Variants in EHMT1 observed in about 807,000 individuals in gnomAD.
The protein encoded by EHMT1 is histone-lysine N-methyltransferase EHMT1.
In EHMT1, 15 loss-of-function variants were observed where a neutral mutation model predicts 147.2. The observed-to-expected ratio is 0.10, with a 90% CI of 0.07 to 0.16. The LOEUF is 0.16. Among genes scored for constraint, EHMT1 ranks in the 10% least tolerant of loss-of-function variants. The pLI is 1.00. For missense variants in EHMT1, 1,587 were observed against 1,772.4 expected (o/e 0.90, Z 1.88); for synonymous variants, 795 against 709.6 (o/e 1.12, Z -1.91).
At position 137,668,325 on chromosome 9, in the gene EHMT1, C is replaced by G. The variant is rs546364621; in HGVS notation, c.22-42642C>G. 5.9e-5 allele frequency among the ~76,000 whole-genome samples: 9 copies of G among 151,824 alleles called. 1 individual carries two copies. In the South Asian group the frequency reaches 1.9e-3, roughly 32 times the overall value. On this transcript the variant is annotated intron_variant, in intron 1 of 26. Coordinates refer to ENST00000460843, the MANE Select transcript of EHMT1 (RefSeq NM_024757.5). ...CCTTCCTCTCCCTTCTATTCACCCA[C>G]CCACCACTCACCCACCCACCACCTG... is the stretch of plus-strand genomic sequence containing the variant.
At chr9:137,752,252 A>G in intron 6 of EHMT1, 79 bp from the exon 7 acceptor site, 1 of 1,526,732 alleles carries the variant, frequency 6.5e-7, no homozygotes, top group South Asian at 1.2e-5. Flanking sequence ...TTTGCTTTGG[A>G]TCCGTCATCT....
chr9:137,743,545 A>G lies in EHMT1; in HGVS notation c.981+17A>G. On this transcript the variant is annotated intron_variant, in intron 5 of 26. Coordinates refer to ENST00000460843, the MANE Select transcript of EHMT1 (RefSeq NM_024757.5). ...GGTTCCAAGGTAAGAGACGCATTTG[A>G]GTGAGTTGCCACGTGTGCGTGGAAA... is the stretch of plus-strand genomic sequence containing the variant. The G allele has an allele frequency of 6.2e-7, 1 of 1,613,902 alleles. No individual in the cohort carries two copies. Among genetic ancestry groups the G allele is most frequent in the Non-Finnish European group, 8.5e-7 (1 of 1,179,968 alleles).
At chr9:137,715,875 C>T in intron 2 of EHMT1, 2 of 976,050 alleles carry the variant, frequency 2.0e-6, no homozygotes, top group Non-Finnish European at 2.4e-6. Flanking sequence ...AGTGATTCCC[C>T]AAACTTAACC....
At chr9:137,669,793 T>A (rs182793094) in intron 1 of EHMT1, among the ~76,000 whole-genome samples, 1 of 152,322 alleles carries the variant, frequency 6.6e-6, no homozygotes, top group Non-Finnish European at 1.5e-5. Flanking sequence ...CCTTAAGTGA[T>A]CCTCCCATCT....
intron 1 of EHMT1, among the ~76,000 whole-genome samples, chr9:137,645,594 C>T (rs540428008): frequency 1.3e-5 from 2 of 152,248 alleles, no homozygotes; most frequent in East Asian, 1.9e-4. Context: ...GAAGAGGGGC[C>T]TCCTGTAGGT....
chr9:137,706,254 C>T (rs1487185027), intron 1 of EHMT1, among the ~76,000 whole-genome samples: 1 of 152,220 alleles, frequency 6.6e-6, no homozygotes, highest in African/African-American at 2.4e-5. Context: ...TTTGGCTAGG[C>T]TTCCTGGACT....
At chr9:137,627,677 T>A (rs1843356119) in intron 1 of EHMT1, among the ~76,000 whole-genome samples, 1 of 152,040 alleles carries the variant, frequency 6.6e-6, no homozygotes, top group African/African-American at 2.4e-5. Context: ...ATCCCTCAAT[T>A]TCTTGCCTTG....
intron 5 of EHMT1, among the ~76,000 whole-genome samples, 164 bp from the exon 6 acceptor site, chr9:137,743,738 T>C (rs1948309248): frequency 6.6e-6 from 1 of 152,216 alleles, no homozygotes. Flanking sequence ...ACAGCCCACC[T>C]GTCTGCCGGG....
rs553311762 is a variant in EHMT1, at chr9:137,736,993, A to G, written c.824-6378A>G. ...CACGGTGAGCTGGTCACTTGAGCTC[A>G]GGAGTTCCAGAGCGGCCTGGGCAAC... On this transcript the variant is annotated intron_variant, in intron 4 of 26. Transcript: ENST00000460843. Among the ~76,000 whole-genome samples the G allele has an allele frequency of 2.7e-4, 41 of 152,310 alleles. No individual in the cohort carries two copies. The South Asian group carries it at 8.3e-3, about 31-fold the overall frequency.
chr9:137,658,911 T>C (rs10780181), intron 1 of EHMT1, among the ~76,000 whole-genome samples: 36,093 of 152,038 alleles, frequency 0.24, 4,866 homozygotes, highest in African/African-American at 0.35. Context: ...AGGCATGAGC[T>C]ACTGTGCCAG....
At chr9:137,666,893 TTTAATTAA>T (rs753934975) in intron 1 of EHMT1, 1 of 152,226 alleles carries the variant, frequency 6.6e-6, no homozygotes, top group Non-Finnish European at 1.5e-5. Context: ...AGGGCTGTGT[TTTAATTAA>T]TTAATTAATT....
chr9:137,752,503 C>A (rs1224447258), intron 7 of EHMT1, 95 bp downstream of exon 7: 1 of 1,409,838 alleles, frequency 7.1e-7, no homozygotes, highest in Non-Finnish European at 9.8e-7. Context: ...ACCCTTGTTG[C>A]CTGAGCGCTC....
chr9:137,735,291 CTG>C (rs1310445525), intron 4 of EHMT1, among the ~76,000 whole-genome samples: 1 of 152,150 alleles, frequency 6.6e-6, no homozygotes, highest in East Asian at 1.9e-4. Flanking sequence ...CAGAGTTTTT[CTG>C]TGTTACTGAA....
chr9:137,733,755 CT>C (rs1209214939), intron 4 of EHMT1, among the ~76,000 whole-genome samples: 3 of 152,168 alleles, frequency 2.0e-5, no homozygotes, highest in Non-Finnish European at 2.9e-5. Flanking sequence ...TATCTCCCCA[CT>C]TCATTTTTAT....
intron 1 of EHMT1, among the ~76,000 whole-genome samples, chr9:137,708,294 A>G (rs1406318122): frequency 1.3e-5 from 2 of 152,232 alleles, no homozygotes; most frequent in African/African-American, 4.8e-5. Context: ...TCCCATAGAC[A>G]TGTGGTTGGC....
At chr9:137,650,183 CA>C (rs1937639787) in intron 1 of EHMT1, among the ~76,000 whole-genome samples, 1 of 152,132 alleles carries the variant, frequency 6.6e-6, no homozygotes, top group Non-Finnish European at 1.5e-5. Flanking sequence ...ACTGCAGCCT[CA>C]AACTCCCAGG....
At chr9:137,806,009 C>T (rs550749533) in intron 18 of EHMT1, among the ~76,000 whole-genome samples, 1 of 150,136 alleles carries the variant, frequency 6.7e-6, no homozygotes, top group African/African-American at 2.5e-5. Context: ...GTCACCCAGG[C>T]TGGAGTGCAG....
In EHMT1 at chr9:137,787,569, G is replaced by A. The variant is rs1952082456; in HGVS notation, c.2383-3279G>A. On this transcript the variant is annotated intron_variant, in intron 15 of 26. Transcript: ENST00000460843. This position sits in a 1 kb window ranked among gnomAD's most constrained non-coding sequence, Gnocchi z 4.2. The stretch of plus-strand genomic sequence containing the variant: ...CAGCAAGGCTGCTGCCTGGTGTTTC[G>A]AGGCTGCTGTGGTCGCAGACAACCG... 1.8e-5 allele frequency: 8 copies of A among 451,784 alleles called. No individual in the cohort carries two copies. The highest frequency in any genetic ancestry group is 6.2e-4 in the Middle Eastern group (1 of 1,604). The allele number at this position is 451,784 out of a possible 1,614,324, so 28.0% of individuals were successfully genotyped here.
intron 6 of EHMT1, among the ~76,000 whole-genome samples, chr9:137,751,034 G>GA (rs1405150739): frequency 6.6e-6 from 1 of 152,210 alleles, no homozygotes; most frequent in African/African-American, 2.4e-5. Flanking sequence ...CAGAATATAT[G>GA]AAAAACCACT....
Sources: gnomAD v4.1 joint callset for allele counts (sites outside exome capture counted in the v4.1 genomes callset) on GRCh38, gnomAD v4.1.1 for gene constraint, Gnocchi (gnomAD v3.1) non-coding constraint, MANE v1.5 for transcripts, NCBI Gene and HGNC (gene_info 2026-07-23, HGNC 2026-07-21) for gene names.